Variants in P2RY2 observed in about 807,000 individuals in gnomAD.
P2RY2 encodes the protein purinergic receptor P2Y2.
For synonymous variants in P2RY2, 241 were observed against 231.9 expected, an observed-to-expected ratio of 1.04 and a Z score of -0.35; for missense variants, 567 against 515.7, an observed-to-expected ratio of 1.10 and a Z score of -0.96.
chr11:73,233,614 A>AAAG (rs1414141329), intron 2 of P2RY2, among the ~76,000 whole-genome samples: 3 of 152,236 alleles, frequency 2.0e-5, no homozygotes, highest in African/African-American at 7.2e-5. Context: ...GGGGTAAGAA[A>AAAG]ACTTCAAGTA....
At chr11:73,224,233 G>T (rs562360395) in intron 1 of P2RY2, among the ~76,000 whole-genome samples, 16 of 152,334 alleles carry the variant, frequency 1.1e-4, no homozygotes, top group Non-Finnish European at 1.9e-4. Flanking sequence ...GGAGGAGCCA[G>T]CGTGACTTCT....
rs186885838 is a variant in P2RY2, at chr11:73,218,945, G to A, written c.-200+513G>A. 1.1e-3 allele frequency among the ~76,000 whole-genome samples: 171 copies of A among 152,332 alleles called. 1 individual carries two copies. The highest frequency in any genetic ancestry group is 2.1e-3 in the Non-Finnish European group (143 of 68,030). ...GCAGTTGCAGGGAGTGGGCGGGGGA[G>A]GAGGGAGTGGCCAGAAAGGACAGTT... On this transcript the variant is annotated intron_variant, in intron 1 of 2. Coordinates refer to ENST00000393597, the MANE Select transcript of P2RY2 (RefSeq NM_002564.4).
chr11:73,231,635 C>T (rs1445905354), intron 2 of P2RY2, among the ~76,000 whole-genome samples: 1 of 152,030 alleles, frequency 6.6e-6, no homozygotes, highest in African/African-American at 2.4e-5. Context: ...CTAATCTCAG[C>T]CTCTTGGGCC....
rs1862587681 is a variant in P2RY2 at position 73,234,901 on chromosome 11, G to A, written c.742G>A (p.Ala248Thr). The A allele has an allele frequency of 1.2e-6, 2 of 1,610,710 alleles. No individual in the cohort carries two copies. The highest frequency in any genetic ancestry group is 1.7e-6 in the Non-Finnish European group (2 of 1,179,970). ...RAKRKSVRTI[A>T]VVLAVFALCF... ...CAAGCGCAAGTCCGTGCGCACCATC[G>A]CCGTGGTGCTGGCTGTCTTCGCCCT... is the stretch of plus-strand genomic sequence containing the variant. Residue 248 changes from alanine to threonine, a missense_variant, in exon 3 of 3, where the codon GCC becomes ACC. Physicochemically the swap from Ala to Thr is moderately conservative, Grantham distance 58. Coordinates refer to ENST00000393597, the MANE Select transcript of P2RY2 (RefSeq NM_002564.4).
chr11:73,242,102 G>A lies in P2RY2; in HGVS notation c.*6809G>A, dbSNP rs1862787169. The A allele has an allele frequency of 7.6e-6, 1 of 131,816 alleles. No individual in the cohort carries two copies. Among genetic ancestry groups the A allele is most frequent in the Admixed American group, 7.5e-5 (1 of 13,260 alleles). The allele number at this position is 131,816 out of a possible 1,614,324, so 8.2% of individuals were successfully genotyped here. On this transcript the variant is annotated 3_prime_UTR_variant, in exon 3 of 3. Coordinates refer to ENST00000393597, the MANE Select transcript of P2RY2 (RefSeq NM_002564.4). ...TGAGGTGGGGTGTGTAGAGAGCTGG[G>A]GCAAGGAACCCTGAGAAGATGTCTT...
intron 1 of P2RY2, among the ~76,000 whole-genome samples, chr11:73,225,205 A>G (rs1862243911): frequency 6.6e-6 from 1 of 152,196 alleles, no homozygotes; most frequent in Non-Finnish European, 1.5e-5. Context: ...AGGGGCTGGA[A>G]TGTCATCCAA....
chr11:73,220,491 T>C (rs1461122025), intron 1 of P2RY2, among the ~76,000 whole-genome samples: 1 of 152,192 alleles, frequency 6.6e-6, no homozygotes, highest in Non-Finnish European at 1.5e-5. Context: ...CCAAACACTT[T>C]TCCCTGAGCC....
chr11:73,234,658 C>G lies in P2RY2; in HGVS notation c.499C>G (p.Pro167Ala). The G allele has an allele frequency of 6.3e-7, 1 of 1,585,550 alleles. No individual in the cohort carries two copies. The highest frequency in any genetic ancestry group is 8.6e-7 in the Non-Finnish European group (1 of 1,165,076). Residue 167 changes from proline to alanine, a missense_variant, in exon 3 of 3, where the codon CCC becomes GCC. Transcript: ENST00000393597. ...VWVLVLACQA[P>A]VLYFVTTSAR... is the part of the protein sequence containing the mutation. ...GGTGTTGGTGCTGGCCTGCCAGGCC[C>G]CCGTGCTCTACTTTGTCACCACCAG...
chr11:73,218,840 G>A (rs2135625400), intron 1 of P2RY2, among the ~76,000 whole-genome samples: 1 of 152,218 alleles, frequency 6.6e-6, no homozygotes, highest in South Asian at 2.1e-4. Context: ...CCAGAGACGC[G>A]AACCCCTGGA....
At position 73,236,130 on chromosome 11, in the gene P2RY2, C is replaced by G. The variant is rs1862646513; in HGVS notation, c.*837C>G. 2 of 1,000,256 alleles carry G rather than the reference C, an allele frequency of 2.0e-6. No homozygotes were observed. The highest frequency in any genetic ancestry group is 1.7e-5 in the African/African-American group (1 of 57,368). The allele number at this position is 1,000,256 out of a possible 1,614,324, so 62.0% of individuals were successfully genotyped here. On this transcript the variant is annotated 3_prime_UTR_variant, in exon 3 of 3. Coordinates refer to ENST00000393597, the MANE Select transcript of P2RY2 (RefSeq NM_002564.4). ...ACTGTAAAGCCAGTTGGCTTCTGTG[C>G]CTGACTCTGTGCTGAGCACAGAGAA...
intron 1 of P2RY2, among the ~76,000 whole-genome samples, chr11:73,219,194 C>T (rs1365716189): frequency 1.3e-5 from 2 of 152,196 alleles, no homozygotes; most frequent in Non-Finnish European, 1.5e-5. Flanking sequence ...TCCCCAGCTT[C>T]CCAGGACCAC....
chr11:73,231,392 CAA>C (rs201697252), intron 2 of P2RY2, among the ~76,000 whole-genome samples: 64,928 of 110,608 alleles, frequency 0.59, 19,250 homozygotes, highest in East Asian at 0.91. Context: ...CTAAAAAATA[CAA>C]AAAAAAAAAA....
intron 1 of P2RY2, among the ~76,000 whole-genome samples, chr11:73,220,607 G>A (rs1002537612): frequency 1.3e-5 from 2 of 152,218 alleles, no homozygotes; most frequent in African/African-American, 4.8e-5. Context: ...GCTCTAAAAG[G>A]AGGCCAGAAC....
intron 1 of P2RY2, among the ~76,000 whole-genome samples, chr11:73,222,261 C>T (rs1183805785): frequency 6.6e-6 from 1 of 152,082 alleles, no homozygotes. Context: ...GGTGAGTGCC[C>T]AGCCACCCAG....
chr11:73,223,721 C>T (rs1862192359), intron 1 of P2RY2, among the ~76,000 whole-genome samples: 1 of 152,092 alleles, frequency 6.6e-6, no homozygotes, highest in South Asian at 2.1e-4. Context: ...GGGTGGTGTC[C>T]AGGACGTTGT....
At position 73,234,375 on chromosome 11, in the gene P2RY2, G is replaced by GTT; in HGVS notation, c.217_218dup (p.His74SerfsTer109). ...CCTGGAATGCGTCCACCACATATAT[G>GTT]TTCCACCTGGCTGTGTCTGATGCAC... On this transcript the variant is annotated frameshift_variant, in exon 3 of 3. Coordinates refer to ENST00000393597, the MANE Select transcript of P2RY2 (RefSeq NM_002564.4). LOFTEE classifies it low-confidence loss of function (END_TRUNC). 6.2e-7 allele frequency: 1 copy of GTT among 1,614,216 alleles called. No individual in the cohort carries two copies. The highest frequency in any genetic ancestry group is 8.5e-7 in the Non-Finnish European group (1 of 1,180,034).
chr11:73,222,598 C>T (rs186093836), intron 1 of P2RY2, among the ~76,000 whole-genome samples: 7 of 152,248 alleles, frequency 4.6e-5, no homozygotes, highest in African/African-American at 1.4e-4. Flanking sequence ...CCACAGTAGC[C>T]GTATAAGACC....
intron 1 of P2RY2, among the ~76,000 whole-genome samples, chr11:73,226,936 CTA>C (rs942530613): frequency 6.6e-6 from 1 of 151,680 alleles, no homozygotes; most frequent in Admixed American, 6.6e-5. Flanking sequence ...TCTTTTTTTT[CTA>C]TATATATATA....
rs1437482711 is a variant in P2RY2, at chr11:73,236,283, C to A, written c.*990C>A. 3.0e-6 allele frequency: 2 copies of A among 656,728 alleles called. No homozygotes were observed. The highest frequency in any genetic ancestry group is 1.4e-4 in the East Asian group (1 of 7,328). The allele number at this position is 656,728 out of a possible 1,614,324, so 40.7% of individuals were successfully genotyped here. On this transcript the variant is annotated 3_prime_UTR_variant, in exon 3 of 3. Transcript: ENST00000393597. Reference sequence around the variant, plus strand: ...GGAACCCCTTCTTTGTAGAACTGCCCATTTCCATGGTGCAAAAACTCTTAT... The same window carrying A: ...GGAACCCCTTCTTTGTAGAACTGCCAATTTCCATGGTGCAAAAACTCTTAT...
Sources: allele counts gnomAD v4.1 joint callset (sites outside exome capture counted in the v4.1 genomes callset), GRCh38; gene constraint gnomAD v4.1.1; transcripts MANE v1.5; gene names NCBI Gene and HGNC (gene_info 2026-07-23, HGNC 2026-07-21).